PANK4: variants seen among roughly 807,000 people sequenced by gnomAD.
PANK4 encodes 4'-phosphopantetheine phosphatase.
PANK4 carries 40 observed loss-of-function variants against 87.9 expected under a neutral mutation model. The observed-to-expected ratio is 0.46, with a 90% CI of 0.35 to 0.59. The LOEUF (loss-of-function observed/expected upper bound fraction) is 0.59, where lower values mean the gene tolerates loss of function less well. PANK4 is among the 20% of genes least tolerant of loss of function. PANK4 has a pLI of 0.00. For missense variants in PANK4, 926 were observed against 1,072.3 expected (o/e 0.86, Z 1.90); for synonymous variants, 524 against 467.4 (o/e 1.12, Z -1.56).
Position 2,526,562 on chromosome 1 carries a change from C to T in PANK4, c.26G>A (p.Ser9Asn), listed in dbSNP as rs1643927753. Reference sequence around the variant, plus strand: ...GTCCAGACTGTCCCCGCTGCTCCCGCTGCCGCTCGCTCCACACTCCGCCAT... The same window carrying T: ...GTCCAGACTGTCCCCGCTGCTCCCGTTGCCGCTCGCTCCACACTCCGCCAT... MAECGASG[S>N]GSSGDSLDKS... Residue 9 changes from serine to asparagine, a missense_variant, in exon 1 of 19, where the codon AGC becomes AAC. Coordinates refer to ENST00000378466, the MANE Select transcript of PANK4 (RefSeq NM_018216.4). The T allele has an allele frequency of 1.0e-5, 16 of 1,602,628 alleles. No homozygotes were observed. The highest frequency in any genetic ancestry group is 1.4e-5 in the African/African-American group (1 of 74,060).
chr1:2,521,360 G>A lies in PANK4; in HGVS notation c.208-45C>T, dbSNP rs181031730. On this transcript the variant is annotated intron_variant, in intron 2 of 18. Transcript: ENST00000378466. ...AGGCCGCATGTGTGTGGGACACCGCGCCGGGCTGGGCTGTGCGCACCCTGC... is the reference window on the plus strand; with the variant it reads ...AGGCCGCATGTGTGTGGGACACCGCACCGGGCTGGGCTGTGCGCACCCTGC... The A allele has an allele frequency of 2.2e-5, 32 of 1,453,564 alleles. No individual in the cohort carries two copies. In the East Asian group the frequency reaches 3.6e-4, roughly 17 times the overall value. The allele number at this position is 1,453,564 out of a possible 1,614,324, so 90.0% of individuals were successfully genotyped here.
rs1051621054 is a variant in PANK4 at position 2,515,030 on chromosome 1, G to C, written c.1374+532C>G. Among the ~76,000 whole-genome samples, 1 of 152,192 alleles carries C rather than the reference G, an allele frequency of 6.6e-6. No homozygotes were observed. The highest frequency in any genetic ancestry group is 1.5e-5 in the Non-Finnish European group (1 of 68,030). On this transcript the variant is annotated intron_variant, in intron 10 of 18. Transcript: ENST00000378466. This position sits in a 1 kb window ranked among gnomAD's most constrained non-coding sequence, Gnocchi z 5.0. ...CCCTGGCACGACCCGGCCTCTCCGA[G>C]GGCTTCGTGAAGAGTGCGTGTTGCT...
Position 2,515,878 on chromosome 1 carries a change from G to A in PANK4, c.1219-161C>T, listed in dbSNP as rs568930827. On this transcript the variant is annotated intron_variant, in intron 9 of 18. Transcript: ENST00000378466. The surrounding 1 kb of genome is among the most constrained non-coding windows in gnomAD (Gnocchi z 5.0). ...AGACCCCCACTGGGCCCCCTCAGCT[G>A]CCCGGCGGCCTGAGCCGGATACCTT... The A allele has an allele frequency of 5.5e-6, 4 of 730,212 alleles. No homozygotes were observed. Among genetic ancestry groups the A allele is most frequent in the Admixed American group, 2.8e-5 (1 of 36,230 alleles). The allele number at this position is 730,212 out of a possible 1,614,324, so 45.2% of individuals were successfully genotyped here. A position where few individuals can be genotyped will look rare whatever the true frequency, so the allele number is the denominator to read the frequency against.
chr1:2,520,280 T>C lies in PANK4; in HGVS notation c.699+42A>G, dbSNP rs1357022448. ...GGCCTTCGGGGGAAGGAAGCAGACA[T>C]CTCCGCAGACCCCTGGAAGGTCTCT... On this transcript the variant is annotated intron_variant, in intron 5 of 18. Coordinates refer to ENST00000378466, the MANE Select transcript of PANK4 (RefSeq NM_018216.4). The surrounding 1 kb of genome is among the most constrained non-coding windows in gnomAD (Gnocchi z 6.2). 2 of 1,562,958 alleles carry C rather than the reference T, an allele frequency of 1.3e-6. No homozygotes were observed. The highest frequency in any genetic ancestry group is 1.4e-5 in the African/African-American group (1 of 73,952).
chr1:2,521,757 G>C lies in PANK4; in HGVS notation c.168C>G (p.His56Gln), dbSNP rs1399964888. Residue 56 changes from histidine to glutamine, a missense_variant, in exon 2 of 19, where the codon CAC becomes CAG. His to Gln is a conservative substitution (Grantham distance 24, BLOSUM62 0). Transcript: ENST00000378466. ...CGAAAGACCGCACCTTGGCGACTTTGTGCTGTACCGTTGAATAGTAGGCCA... is the reference window on the plus strand; with the variant it reads ...CGAAAGACCGCACCTTGGCGACTTTCTGCTGTACCGTTGAATAGTAGGCCA... ...TKLAYYSTVQ[H>Q]KVAKVRSFDH... 2 of 1,614,040 alleles carry C rather than the reference G, an allele frequency of 1.2e-6. No homozygotes were observed. Among genetic ancestry groups the C allele is most frequent in the Non-Finnish European group, 1.7e-6 (2 of 1,180,000 alleles).
chr1:2,510,820 C>T lies in PANK4; in HGVS notation c.1834-38G>A, dbSNP rs551275807. On this transcript the variant is annotated intron_variant, in intron 15 of 18. Coordinates refer to ENST00000378466, the MANE Select transcript of PANK4 (RefSeq NM_018216.4). This position sits in a 1 kb window ranked among gnomAD's most constrained non-coding sequence, Gnocchi z 4.9. ...ACCAGGACGTTCAGTTGGGAACAGG[C>T]GCATCCAAGCGAGTCAGTCCGCACC... 6.6e-6 allele frequency: 8 copies of T among 1,210,504 alleles called. No homozygotes were observed. Among genetic ancestry groups the T allele is most frequent in the Admixed American group, 1.7e-5 (1 of 59,422 alleles). 75.0% of individuals were successfully genotyped at this position (1,210,504 alleles called of 1,614,324 possible). A position where few individuals can be genotyped will look rare whatever the true frequency, so the allele number is the denominator to read the frequency against.
In PANK4 at chr1:2,515,359, C is replaced by G. The variant is rs775571602; in HGVS notation, c.1374+203G>C. 1 of 704,152 alleles carries G rather than the reference C, an allele frequency of 1.4e-6. No homozygotes were observed. The highest frequency in any genetic ancestry group is 1.5e-5 in the South Asian group (1 of 66,932). The allele number at this position is 704,152 out of a possible 1,614,324, so 43.6% of individuals were successfully genotyped here. On this transcript the variant is annotated intron_variant, in intron 10 of 18. Transcript: ENST00000378466. The surrounding 1 kb of genome is among the most constrained non-coding windows in gnomAD (Gnocchi z 5.0). ...GAAGCAACGTGCCTCGCAGACGCCA[C>G]GTCCTCACTGACCCACCAGGTGGCC...
Position 2,514,443 on chromosome 1 carries a change from G to A in PANK4, c.1398C>T (p.Ser466=). Residue 466 remains serine, a synonymous_variant, in exon 11 of 19, where the codon AGC becomes AGT. Transcript: ENST00000378466. ...LDGVVKRAVA[S]QPDSVDAAER... is the part of the protein sequence containing the mutation. ...CGGCTGCATCCACAGAGTCTGGCTGGCTCGCCACTGCGCGCTTCACTACCT... is the reference window on the plus strand; with the variant it reads ...CGGCTGCATCCACAGAGTCTGGCTGACTCGCCACTGCGCGCTTCACTACCT... 6.2e-7 allele frequency: 1 copy of A among 1,611,142 alleles called. No individual in the cohort carries two copies. The highest frequency in any genetic ancestry group is 1.1e-5 in the South Asian group (1 of 91,058).
At chr1:2,513,293 TG>T (rs1643696740) in intron 12 of PANK4, among the ~76,000 whole-genome samples, 1 of 151,654 alleles carries the variant, frequency 6.6e-6, no homozygotes, top group Non-Finnish European at 1.5e-5. Flanking sequence ...AGGACAAGAG[TG>T]GAGGACACGG....
At position 2,514,384 on chromosome 1, in the gene PANK4, T is replaced by A. The variant is rs1557439659; in HGVS notation, c.1457A>T (p.Asn486Ile). Residue 486 changes from asparagine to isoleucine, a missense_variant, in exon 11 of 19, where the codon AAC becomes ATC. Transcript: ENST00000378466. ...RAEKFRQKYW[N>I]KLQTLRQQPF... ...CTGCTGCCTCAGGGTCTGAAGCTTG[T>A]TCCAGTACTTCTGCCGGAACTTCTC... The A allele has an allele frequency of 6.2e-7, 1 of 1,612,456 alleles. No homozygotes were observed. Among genetic ancestry groups the A allele is most frequent in the Non-Finnish European group, 8.5e-7 (1 of 1,179,846 alleles).
intron 8 of PANK4, 116 bp from the exon 9 acceptor site, chr1:2,518,380 C>T: frequency 1.0e-6 from 1 of 961,560 alleles, no homozygotes; most frequent in South Asian, 1.4e-5. Flanking sequence ...AAATGTTAGA[C>T]ATGCCTGCTG....
In PANK4 at chr1:2,521,618, G is replaced by A. The variant is rs753328921; in HGVS notation, c.207+100C>T. ...TAGAAACTCCCAGGACACTAAAGTC[G>A]AGGTCTGCAGCAGCAGAGGGATGAC... is the stretch of plus-strand genomic sequence containing the variant. On this transcript the variant is annotated intron_variant, in intron 2 of 18. Coordinates refer to ENST00000378466, the MANE Select transcript of PANK4 (RefSeq NM_018216.4). 24 of 960,242 alleles carry A rather than the reference G, an allele frequency of 2.5e-5. No individual in the cohort carries two copies. In the South Asian group the frequency reaches 2.9e-4, roughly 12 times the overall value. The allele number at this position is 960,242 out of a possible 1,614,324, so 59.5% of individuals were successfully genotyped here. A position where few individuals can be genotyped will look rare whatever the true frequency, so the allele number is the denominator to read the frequency against.
rs749709307 is a variant in PANK4 at position 2,514,050 on chromosome 1, G to C, written c.1527C>G (p.Thr509=). ...GTLTVRSLLD[T]REHCLNEFNF... is the part of the protein sequence containing the mutation. The stretch of plus-strand genomic sequence containing the variant: ...TGAACTCGTTCAGACAGTGCTCCCT[G>C]GTGTCCAGCAGGCTGCGCACGGTCA... The change falls in exon 12 of 19, where the codon ACC becomes ACG. Residue 509 remains threonine (T), a synonymous_variant. Transcript: ENST00000378466. 6.2e-7 allele frequency: 1 copy of C among 1,612,868 alleles called. No homozygotes were observed. The highest frequency in any genetic ancestry group is 8.5e-7 in the Non-Finnish European group (1 of 1,179,906).
At position 2,519,038 on chromosome 1, in the gene PANK4, C is replaced by G. The variant is rs536247574; in HGVS notation, c.1035+105G>C. The G allele has an allele frequency of 1.3e-4, 144 of 1,099,316 alleles. No individual in the cohort carries two copies. In the East Asian group the frequency reaches 3.4e-3, roughly 26 times the overall value. The allele number at this position is 1,099,316 out of a possible 1,614,324, so 68.1% of individuals were successfully genotyped here. On this transcript the variant is annotated intron_variant, in intron 7 of 18. Coordinates refer to ENST00000378466, the MANE Select transcript of PANK4 (RefSeq NM_018216.4). The surrounding 1 kb of genome is among the most constrained non-coding windows in gnomAD (Gnocchi z 8.3). ...GGGTGCTGGGCTTCTTGGCCCCCACCCTCCAGGCCTCCCTGGGGGTGCTGC... is the reference window on the plus strand; with the variant it reads ...GGGTGCTGGGCTTCTTGGCCCCCACGCTCCAGGCCTCCCTGGGGGTGCTGC...
At chr1:2,512,823 G>GC in intron 13 of PANK4, 65 bp downstream of exon 13, 1 of 1,539,744 alleles carries the variant, frequency 6.5e-7, no homozygotes. Context: ...CTCCTTGCCC[G>GC]CAAGCCTGGG....
intron 3 of PANK4, 31 bp downstream of exon 3, chr1:2,521,070 T>G (rs372848491): frequency 1.3e-5 from 20 of 1,586,578 alleles, no homozygotes; most frequent in Non-Finnish European, 1.7e-5. Flanking sequence ...CAGACACATG[T>G]TCCTTTCTCG....
At chr1:2,517,756 C>T (rs1006995892) in intron 9 of PANK4, among the ~76,000 whole-genome samples, 2 of 152,262 alleles carry the variant, frequency 1.3e-5, no homozygotes, top group South Asian at 2.1e-4. Flanking sequence ...AGCCACAGTG[C>T]GCGGCAGTGT....
intron 9 of PANK4, among the ~76,000 whole-genome samples, chr1:2,516,528 C>G (rs1190768138): frequency 6.6e-6 from 1 of 152,220 alleles, no homozygotes; most frequent in African/African-American, 2.4e-5. Context: ...AACTGTGTAG[C>G]TGACCGCCTC....
rs2236395 is a variant in PANK4, at chr1:2,515,441, A to G, written c.1374+121T>C. ...TCGCCCCCTCACTCAGACGCAGATC[A>G]AGGGGTTTCTGGACAACACTGGCCT... On this transcript the variant is annotated intron_variant, in intron 10 of 18. Coordinates refer to ENST00000378466, the MANE Select transcript of PANK4 (RefSeq NM_018216.4). This position sits in a 1 kb window ranked among gnomAD's most constrained non-coding sequence, Gnocchi z 5.0. The G allele has an allele frequency of 0.28, 310,927 of 1,111,870 alleles. 51,732 individuals carry two copies. Among genetic ancestry groups the G allele is most frequent in the African/African-American group, 0.66 (43,202 of 65,222 alleles). The allele number at this position is 1,111,870 out of a possible 1,614,324, so 68.9% of individuals were successfully genotyped here.
Sources: allele counts gnomAD v4.1 joint callset (sites outside exome capture counted in the v4.1 genomes callset), GRCh38; gene constraint gnomAD v4.1.1; non-coding constraint Gnocchi (gnomAD v3.1); transcripts MANE v1.5; gene names NCBI Gene and HGNC (gene_info 2026-07-23, HGNC 2026-07-21).